Variants in MBNL2 observed in about 807,000 individuals in gnomAD.
MBNL2 encodes the protein muscleblind like splicing regulator 2, also known as muscleblind-like protein 2.
MBNL2 carries 17 observed loss-of-function variants against 41.9 expected under a neutral mutation model. That is an observed-to-expected ratio of 0.41 (90% confidence interval 0.28 to 0.61). The LOEUF is 0.61. Among genes scored for constraint, MBNL2 ranks in the 20% least tolerant of loss-of-function variants. MBNL2 has a pLI of 0.35. For synonymous variants in MBNL2, 195 were observed against 182.9 expected, an observed-to-expected ratio of 1.07 and a Z score of -0.53; for missense variants, 336 against 505.6, an observed-to-expected ratio of 0.66 and a Z score of 3.22.
In MBNL2 at chr13:97,264,184, C is replaced by T. The variant is rs76759195; in HGVS notation, c.-604-11448C>T. On this transcript the variant is annotated intron_variant, in intron 1 of 8. Transcript: ENST00000679496. ...CTGGGACTACAGGTTCCCGCCACCA[C>T]GCCCAGCTAATTTTTTGTATTTTTA... Among the ~76,000 whole-genome samples, 10 of 151,860 alleles carry T rather than the reference C, an allele frequency of 6.6e-5. No individual in the cohort carries two copies. In the East Asian group the frequency reaches 7.8e-4, roughly 12 times the overall value.
intron 1 of MBNL2, among the ~76,000 whole-genome samples, chr13:97,255,120 T>C (rs915786662): frequency 6.6e-6 from 1 of 152,128 alleles, no homozygotes; most frequent in Non-Finnish European, 1.5e-5. Context: ...GCAGGAAACA[T>C]GATTCTTGGC....
chr13:97,316,235 C>G (rs1161373639), intron 2 of MBNL2, among the ~76,000 whole-genome samples: 3 of 152,206 alleles, frequency 2.0e-5, no homozygotes, highest in Non-Finnish European at 4.4e-5. Context: ...TTCAGTGTGT[C>G]AGGAAATCCT....
Position 97,366,704 on chromosome 13 carries a change from G to C in MBNL2, c.1048+1533G>C, listed in dbSNP as rs1378562607. On this transcript the variant is annotated intron_variant, in intron 8 of 8. Coordinates refer to ENST00000679496, the MANE Select transcript of MBNL2 (RefSeq NM_001382683.1). The surrounding 1 kb of genome is among the most constrained non-coding windows in gnomAD (Gnocchi z 4.7). ...AGTTTATAGCAAGCATTTACAGACA[G>C]GTTGCACTTATTTAGAGTTAACATT... 1 of 697,130 alleles carries C rather than the reference G, an allele frequency of 1.4e-6. No homozygotes were observed. The highest frequency in any genetic ancestry group is 2.1e-5 in the Admixed American group (1 of 46,732). 43.2% of individuals were successfully genotyped at this position (697,130 alleles called of 1,614,324 possible).
intron 1 of MBNL2, among the ~76,000 whole-genome samples, chr13:97,223,679 A>C (rs916649069): frequency 6.6e-6 from 1 of 152,214 alleles, no homozygotes; most frequent in Non-Finnish European, 1.5e-5. Flanking sequence ...GGGGACAATA[A>C]GGTTTTTAAA....
At chr13:97,203,016 G>C in the MBNL2 span, among the ~76,000 whole-genome samples, 1 of 152,154 alleles carries the variant, frequency 6.6e-6, no homozygotes, top group African/African-American at 2.4e-5. Flanking sequence ...TTCCACCTCT[G>C]AGCTTCTCTT....
intron 3 of MBNL2, among the ~76,000 whole-genome samples, chr13:97,342,680 T>C (rs1337199236): frequency 1.3e-5 from 2 of 152,246 alleles, no homozygotes; most frequent in Non-Finnish European, 2.9e-5. Context: ...CAGTATTCTA[T>C]AGCTTTTACT....
intron 1 of MBNL2, among the ~76,000 whole-genome samples, chr13:97,225,329 C>T (rs529373480): frequency 4.5e-4 from 68 of 151,982 alleles, no homozygotes; most frequent in Non-Finnish European, 8.1e-4. Flanking sequence ...ACTTTCCTAC[C>T]GATAACAAGA....
upstream of MBNL2, among the ~76,000 whole-genome samples, chr13:97,221,824 C>T (rs762331363): frequency 1.3e-5 from 2 of 152,146 alleles, no homozygotes; most frequent in South Asian, 2.1e-4. Context: ...TTTGAATACG[C>T]ACTTGGGCTA....
chr13:97,178,910 CAAA>C, the MBNL2 span, among the ~76,000 whole-genome samples: 1 of 151,774 alleles, frequency 6.6e-6, no homozygotes, highest in Non-Finnish European at 1.5e-5. Context: ...AACACAAAAA[CAAA>C]AAAGAAATAC....
chr13:97,240,471 A>T lies in MBNL2; in HGVS notation c.-605+17940A>T, dbSNP rs117848982. Among the ~76,000 whole-genome samples the T allele has an allele frequency of 3.1e-3, 468 of 152,288 alleles. 2 individuals carry two copies. The highest frequency in any genetic ancestry group is 4.8e-3 in the Admixed American group (74 of 15,302). On this transcript the variant is annotated intron_variant, in intron 1 of 8. Coordinates refer to ENST00000679496, the MANE Select transcript of MBNL2 (RefSeq NM_001382683.1). ...CACAAAATATACATTAATAAATAAG[A>T]TATAGTTATCTGGGGTGGACATAAA... is the stretch of plus-strand genomic sequence containing the variant.
At chr13:97,356,645 T>A (rs890709697) in intron 5 of MBNL2, 151 bp from the exon 6 acceptor site, 16 of 269,002 alleles carry the variant, frequency 5.9e-5, no homozygotes, top group African/African-American at 3.5e-4. Flanking sequence ...GTACGTTGTA[T>A]ATTGCATTCA....
At chr13:97,329,898 TCA>T (rs1182035323) in intron 2 of MBNL2, among the ~76,000 whole-genome samples, 5 of 152,120 alleles carry the variant, frequency 3.3e-5, no homozygotes, top group African/African-American at 1.2e-4. Context: ...TTTTCAGGTC[TCA>T]GTTTAAATGT....
At chr13:97,195,791 T>C in the MBNL2 span, among the ~76,000 whole-genome samples, 1 of 152,218 alleles carries the variant, frequency 6.6e-6, no homozygotes, top group Admixed American at 6.5e-5. Context: ...ATATTGCCAA[T>C]TGACATGTAA....
chr13:97,268,940 G>A lies in MBNL2; in HGVS notation c.-604-6692G>A, dbSNP rs1048394927. On this transcript the variant is annotated intron_variant, in intron 1 of 8. Coordinates refer to ENST00000679496, the MANE Select transcript of MBNL2 (RefSeq NM_001382683.1). This position sits in a 1 kb window ranked among gnomAD's most constrained non-coding sequence, Gnocchi z 4.6. Reference sequence around the variant, plus strand: ...GAGAGGGTGTCAAAAGGGAAAGGACGAAGGAGGGGGCGCTGTTCCGGATGC... The same window carrying A: ...GAGAGGGTGTCAAAAGGGAAAGGACAAAGGAGGGGGCGCTGTTCCGGATGC... Among the ~76,000 whole-genome samples, 3 of 152,206 alleles carry A rather than the reference G, an allele frequency of 2.0e-5. No homozygotes were observed. Among genetic ancestry groups the A allele is most frequent in the Admixed American group, 6.5e-5 (1 of 15,290 alleles).
the MBNL2 span, among the ~76,000 whole-genome samples, chr13:97,161,701 T>C: frequency 2.6e-5 from 4 of 152,168 alleles, no homozygotes; most frequent in African/African-American, 9.7e-5. Flanking sequence ...ATCATCACAC[T>C]GATAGAATAT....
chr13:97,206,386 A>G, the MBNL2 span, among the ~76,000 whole-genome samples: 1 of 151,942 alleles, frequency 6.6e-6, no homozygotes, highest in Admixed American at 6.6e-5. Context: ...CTTCAGCTTT[A>G]TGGGAGTGGA....
the MBNL2 span, among the ~76,000 whole-genome samples, chr13:97,160,066 T>C: frequency 6.6e-6 from 1 of 152,176 alleles, no homozygotes. Flanking sequence ...TTTCACATAG[T>C]CCCATATTTC....
the MBNL2 span, among the ~76,000 whole-genome samples, chr13:97,143,752 G>A: frequency 3.3e-5 from 5 of 152,282 alleles, no homozygotes; most frequent in African/African-American, 9.6e-5. Flanking sequence ...TTCTCTATAT[G>A]TATAAAGTAT....
chr13:97,294,868 C>CCTTG (rs1196972108), intron 2 of MBNL2, among the ~76,000 whole-genome samples: 1 of 152,182 alleles, frequency 6.6e-6, no homozygotes, highest in African/African-American at 2.4e-5. Context: ...TGCCCTACAC[C>CCTTG]CTTTGGCTTT....
Sources: allele counts gnomAD v4.1 joint callset (sites outside exome capture counted in the v4.1 genomes callset), GRCh38; gene constraint gnomAD v4.1.1; non-coding constraint Gnocchi (gnomAD v3.1); transcripts MANE v1.5; gene names NCBI Gene and HGNC (gene_info 2026-07-23, HGNC 2026-07-21).